Variants in FGF13 observed in about 807,000 individuals in gnomAD.
The protein encoded by FGF13 is fibroblast growth factor 13.
In FGF13, 2 loss-of-function variants were observed where a neutral mutation model predicts 19.5. The ratio of observed to expected loss-of-function variants is 0.10; its 90% CI spans 0.04 to 0.32. The LOEUF (loss-of-function observed/expected upper bound fraction) is 0.32, where lower values mean the gene tolerates loss of function less well. Ranked by LOEUF, FGF13 falls within the 10% of genes least tolerant of loss-of-function variation. The pLI, the probability that FGF13 is intolerant of heterozygous loss-of-function variation, is 1.00. For missense variants in FGF13, 113 were observed against 192.7 expected (o/e 0.59, Z 2.45); for synonymous variants, 72 against 76.9 (o/e 0.94, Z 0.33).
At chrX:139,066,514 G>A (rs941549181) in intron 1 of FGF13, among the ~76,000 whole-genome samples, 11 of 111,761 alleles carry the variant, frequency 9.8e-5, no homozygotes, top group African/African-American at 3.6e-4. Flanking sequence ...TACCATCAGA[G>A]AATACTATAA....
chrX:138,906,786 GAGTCCTA>G (rs1320568649), intron 1 of FGF13, among the ~76,000 whole-genome samples: 22 of 110,729 alleles, frequency 2.0e-4, no homozygotes, highest in African/African-American at 7.2e-4. Context: ...CTGTGACATG[GAGTCCTA>G]TATCTCCTTT....
chrX:139,062,770 G>A (rs182330370), intron 1 of FGF13, among the ~76,000 whole-genome samples: 3 of 111,979 alleles, frequency 2.7e-5, no homozygotes, highest in Non-Finnish European at 5.6e-5. Context: ...CTTCTTGCTT[G>A]AATACACTAA....
intron 1 of FGF13, among the ~76,000 whole-genome samples, chrX:139,185,639 C>A (rs905390738): frequency 2.7e-5 from 3 of 111,708 alleles, no homozygotes; most frequent in African/African-American, 6.5e-5. Flanking sequence ...GACCTAGATT[C>A]TCTGAAAAAG....
At chrX:139,034,383 G>A (rs984167224) in intron 1 of FGF13, among the ~76,000 whole-genome samples, 1 of 111,386 alleles carries the variant, frequency 9.0e-6, no homozygotes, top group African/African-American at 3.3e-5. Context: ...TGGGTGAATG[G>A]GGGAAGTGGG....
At chrX:139,101,893 G>C (rs2083517429) in intron 1 of FGF13, among the ~76,000 whole-genome samples, 1 of 112,151 alleles carries the variant, frequency 8.9e-6, no homozygotes, top group African/African-American at 3.2e-5. Context: ...ACTGGGCTGG[G>C]AGAATGGCTC....
chrX:138,814,324 AC>A (rs1425442754), intron 3 of FGF13, among the ~76,000 whole-genome samples: 4 of 110,811 alleles, frequency 3.6e-5, no homozygotes, highest in Admixed American at 1.9e-4. Context: ...AGTAAAACAT[AC>A]TATAAATCAT....
intron 1 of FGF13, among the ~76,000 whole-genome samples, chrX:139,105,599 T>C (rs1260015634): frequency 1.8e-5 from 2 of 111,906 alleles, no homozygotes; most frequent in African/African-American, 3.2e-5. Flanking sequence ...ATCTGTTAAA[T>C]AGTGAGGATC....
intron 1 of FGF13, among the ~76,000 whole-genome samples, chrX:138,730,257 G>C (rs1238901079): frequency 9.0e-6 from 1 of 111,282 alleles, no homozygotes; most frequent in Non-Finnish European, 1.9e-5. Flanking sequence ...AATGGGTGCA[G>C]CACACCAACA....
intron 1 of FGF13, among the ~76,000 whole-genome samples, chrX:139,117,317 A>C (rs1199647334): frequency 8.9e-6 from 1 of 111,873 alleles, no homozygotes; most frequent in Non-Finnish European, 1.9e-5. Context: ...CAAAAAAATT[A>C]ACAAATCCAA....
intron 1 of FGF13, among the ~76,000 whole-genome samples, chrX:138,957,388 T>C (rs1309394329): frequency 8.9e-6 from 1 of 111,818 alleles, no homozygotes; most frequent in Non-Finnish European, 1.9e-5. Flanking sequence ...AAATCAGACA[T>C]ATGTGCAAAT....
At chrX:138,922,581 A>C (rs2091652487) in intron 1 of FGF13, among the ~76,000 whole-genome samples, 1 of 111,827 alleles carries the variant, frequency 8.9e-6, no homozygotes, top group African/African-American at 3.2e-5. Flanking sequence ...ACTAGACATC[A>C]TCTTCCCAAA....
chrX:138,946,175 G>A (rs1285322891), intron 1 of FGF13, among the ~76,000 whole-genome samples: 1 of 111,501 alleles, frequency 9.0e-6, no homozygotes, highest in East Asian at 2.8e-4. Context: ...TATCAATTGT[G>A]ACAATTAGAA....
chrX:138,694,986 A>AACACACACAC (rs745359063), intron 3 of FGF13, among the ~76,000 whole-genome samples: 1 of 84,760 alleles, frequency 1.2e-5, no homozygotes, highest in South Asian at 7.2e-4. Flanking sequence ...TACTAGTTGA[A>AACACACACAC]ACACACACAC....
chrX:138,898,295 C>T (rs753737660), intron 1 of FGF13, among the ~76,000 whole-genome samples: 3 of 111,935 alleles, frequency 2.7e-5, no homozygotes, highest in Non-Finnish European at 5.6e-5. Context: ...TTTACTTATG[C>T]GTCATCAGTG....
chrX:138,874,054 A>G (rs2091373494), intron 1 of FGF13, among the ~76,000 whole-genome samples: 1 of 104,841 alleles, frequency 9.5e-6, no homozygotes, highest in Non-Finnish European at 2.0e-5. Context: ...ACCTAATGAA[A>G]ATGATGAGTT....
chrX:138,654,363 C>A (rs953896319), intron 3 of FGF13, among the ~76,000 whole-genome samples: 3 of 111,751 alleles, frequency 2.7e-5, no homozygotes, highest in African/African-American at 9.8e-5. Flanking sequence ...ATGTATAAAC[C>A]AAAACAGGAC....
intron 3 of FGF13, among the ~76,000 whole-genome samples, chrX:138,750,627 C>T (rs1000611823): frequency 2.7e-5 from 3 of 111,202 alleles, no homozygotes; most frequent in African/African-American, 9.8e-5. Flanking sequence ...GACTCTCTGC[C>T]AACTAATTGT....
chrX:139,180,270 T>C (rs1401060549), intron 1 of FGF13, among the ~76,000 whole-genome samples: 1 of 112,218 alleles, frequency 8.9e-6, no homozygotes, highest in Admixed American at 9.4e-5. Context: ...AGATATAACA[T>C]CTGAGATCAT....
chrX:138,952,256 C>A (rs1306486624), intron 1 of FGF13, among the ~76,000 whole-genome samples: 1 of 111,007 alleles, frequency 9.0e-6, no homozygotes, highest in African/African-American at 3.3e-5. Flanking sequence ...CAGAACAGAG[C>A]CCTCAGAAAT....
Sources: gnomAD v4.1 joint callset for allele counts (sites outside exome capture counted in the v4.1 genomes callset) on GRCh38, gnomAD v4.1.1 for gene constraint, MANE v1.5 for transcripts, NCBI Gene and HGNC (gene_info 2026-07-23, HGNC 2026-07-21) for gene names.